The following SOX5 variants were observed in gnomAD, a reference collection of about 807,000 sequenced individuals.
SOX5 encodes transcription factor SOX-5.
Under a neutral mutation model 92.0 loss-of-function variants are expected in SOX5, and 9 were observed. That is an observed-to-expected ratio of 0.10 (90% CI 0.06 to 0.17). The LOEUF is 0.17. Among genes scored for constraint, SOX5 ranks in the 10% least tolerant of loss-of-function variants. The pLI is 1.00. For synonymous variants in SOX5, 344 were observed against 336.3 expected, an observed-to-expected ratio of 1.02 and a Z score of -0.25; for missense variants, 642 against 944.5, an observed-to-expected ratio of 0.68 and a Z score of 4.20.
chr12:24,543,425 A>C (rs1260744106), intron 1 of SOX5, among the ~76,000 whole-genome samples: 1 of 152,264 alleles, frequency 6.6e-6, no homozygotes, highest in Non-Finnish European at 1.5e-5. Context: ...GGTGGCTCAC[A>C]CCTGTAATCC....
chr12:24,072,800 G>T (rs576055791), intron 4 of SOX5, among the ~76,000 whole-genome samples: 2 of 152,182 alleles, frequency 1.3e-5, no homozygotes, highest in African/African-American at 4.8e-5. Context: ...ATGGTATAAT[G>T]ATTGCATTGT....
chr12:24,006,580 GCCACTCCTTCCAGGATTGTCTTCAT>G (rs1569471629), intron 4 of SOX5, among the ~76,000 whole-genome samples: 3 of 152,050 alleles, frequency 2.0e-5, no homozygotes, highest in African/African-American at 7.2e-5. Flanking sequence ...CTGGACCTGT[GCCACTCCTTCCAGGATTGTCTTCAT>G]CCACTCCTTC....
At chr12:23,891,320 T>C (rs1164169371) in intron 2 of SOX5, among the ~76,000 whole-genome samples, 1 of 152,210 alleles carries the variant, frequency 6.6e-6, no homozygotes, top group Non-Finnish European at 1.5e-5. Context: ...ACCGTAACAT[T>C]TGCATAACCT....
chr12:24,220,529 G>T (rs188183842), intron 3 of SOX5, among the ~76,000 whole-genome samples: 1 of 151,882 alleles, frequency 6.6e-6, no homozygotes, highest in East Asian at 1.9e-4. Flanking sequence ...TAATAAAAGG[G>T]CTATTAAATA....
chr12:24,407,921 CTGAT>C (rs1963318906), intron 1 of SOX5, among the ~76,000 whole-genome samples: 1 of 152,172 alleles, frequency 6.6e-6, no homozygotes, highest in Admixed American at 6.5e-5. Flanking sequence ...CAATCTGTTT[CTGAT>C]GAGAGAAGAA....
chr12:24,489,082 G>A (rs1415416654), intron 1 of SOX5, among the ~76,000 whole-genome samples: 1 of 152,132 alleles, frequency 6.6e-6, no homozygotes, highest in Non-Finnish European at 1.5e-5. Context: ...TAACTTACGG[G>A]ACCAATGTGA....
intron 3 of SOX5, among the ~76,000 whole-genome samples, chr12:23,759,044 C>G (rs1016642288): frequency 6.6e-6 from 1 of 151,106 alleles, no homozygotes; most frequent in African/African-American, 2.4e-5. Context: ...CACACACACA[C>G]ACACACACAC....
rs372190444 is a variant in SOX5, at chr12:23,970,836, A to T, written c.-1-74812T>A. On this transcript the variant is annotated intron_variant, in intron 4 of 4. Coordinates refer to the SOX5 transcript ENST00000446891. ...AGGTCACATGGGACTTTATATATAT[A>T]TATAATTTTTTTTTTTTTTTAAGAA... is the stretch of plus-strand genomic sequence containing the variant. Among the ~76,000 whole-genome samples, 5 of 8,020 alleles carry T rather than the reference A, an allele frequency of 6.2e-4. 1 individual carries two copies. In the South Asian group the frequency reaches 0.061, roughly 97 times the overall value. 5.3% of individuals were successfully genotyped at this position (8,020 alleles called of 152,430 possible).
chr12:24,430,296 G>C (rs2137043711), intron 1 of SOX5, among the ~76,000 whole-genome samples: 1 of 152,132 alleles, frequency 6.6e-6, no homozygotes, highest in South Asian at 2.1e-4. Flanking sequence ...GGACTATAAA[G>C]CTTTCAAAAT....
At chr12:24,233,062 T>C (rs1963735932) in intron 3 of SOX5, among the ~76,000 whole-genome samples, 1 of 152,182 alleles carries the variant, frequency 6.6e-6, no homozygotes, top group Admixed American at 6.5e-5. Flanking sequence ...ATTGAAGTAG[T>C]AAAATATTCA....
At chr12:24,526,014 G>A (rs2138569297) in intron 1 of SOX5, among the ~76,000 whole-genome samples, 1 of 152,104 alleles carries the variant, frequency 6.6e-6, no homozygotes, top group East Asian at 1.9e-4. Context: ...GGGACCACAA[G>A]CACGCACCAC....
chr12:24,492,473 G>A (rs186308060), intron 1 of SOX5, among the ~76,000 whole-genome samples: 130 of 152,234 alleles, frequency 8.5e-4, no homozygotes, highest in Middle Eastern at 3.4e-3. Context: ...GCAAAGAAGG[G>A]AGGGTAAGGT....
At chr12:23,736,797 T>G (rs893162633) in intron 5 of SOX5, among the ~76,000 whole-genome samples, 5 of 151,708 alleles carry the variant, frequency 3.3e-5, no homozygotes, top group Admixed American at 2.6e-4. Flanking sequence ...TTCAAATGAT[T>G]CATCTGCCTC....
At position 23,996,943 on chromosome 12, in the gene SOX5, C is replaced by T. The variant is rs534467573; in HGVS notation, c.-1-100919G>A. ...TGAATGACTATGCCTCTGAATTGTA[C>T]ACTTTAAAATGGCTAATTTTTTGTC... is the stretch of plus-strand genomic sequence containing the variant. On this transcript the variant is annotated intron_variant, in intron 4 of 4. Transcript: ENST00000446891. Among the ~76,000 whole-genome samples the T allele has an allele frequency of 2.6e-5, 4 of 152,264 alleles. No individual in the cohort carries two copies. In the South Asian group the frequency reaches 8.3e-4, roughly 32 times the overall value.
In SOX5 at chr12:23,925,662, T is replaced by G. The variant is rs77697797; in HGVS notation, c.38+23902A>C. Among the ~76,000 whole-genome samples the G allele has an allele frequency of 7.2e-3, 1,094 of 152,164 alleles. 10 individuals carry two copies. Among genetic ancestry groups the G allele is most frequent in the African/African-American group, 0.025 (1,050 of 41,550 alleles). On this transcript the variant is annotated intron_variant, in intron 1 of 14. Transcript: ENST00000451604. Reference sequence around the variant, plus strand: ...ACATTTTATTGTTTGAGGCTGAATATTCTAGGCCATAAATGATTTTAGCAA... The same window carrying G: ...ACATTTTATTGTTTGAGGCTGAATAGTCTAGGCCATAAATGATTTTAGCAA...
intron 4 of SOX5, among the ~76,000 whole-genome samples, chr12:24,005,569 A>C (rs1358195012): frequency 1.3e-5 from 2 of 152,172 alleles, no homozygotes; most frequent in Admixed American, 1.3e-4. Context: ...AACCATTTGC[A>C]ACTTCATTGA....
intron 3 of SOX5, among the ~76,000 whole-genome samples, chr12:23,817,582 T>C (rs1223534560): frequency 1.3e-5 from 2 of 152,214 alleles, no homozygotes; most frequent in Non-Finnish European, 2.9e-5. Flanking sequence ...ATATTGGAAT[T>C]GTTTTTGCAT....
At chr12:23,893,444 CAA>C (rs527851709) in intron 2 of SOX5, among the ~76,000 whole-genome samples, 3 of 136,988 alleles carry the variant, frequency 2.2e-5, no homozygotes, top group Admixed American at 7.3e-5. Flanking sequence ...GACTCCATCT[CAA>C]AAAAAAAAAA....
At chr12:23,858,110 A>G (rs748269765) in intron 2 of SOX5, among the ~76,000 whole-genome samples, 4 of 151,972 alleles carry the variant, frequency 2.6e-5, no homozygotes, top group Admixed American at 6.6e-5. Context: ...GCAGGTACAT[A>G]TATGTGCACT....
Sources: gnomAD v4.1 joint callset for allele counts (sites outside exome capture counted in the v4.1 genomes callset) on GRCh38, gnomAD v4.1.1 for gene constraint, MANE v1.5 for transcripts, NCBI Gene and HGNC (gene_info 2026-07-23, HGNC 2026-07-21) for gene names.